Variants in FAM220A observed in about 807,000 individuals in gnomAD.
The protein encoded by FAM220A is protein FAM220A.
For missense variants in FAM220A, 392 were observed against 321.6 expected, an observed-to-expected ratio of 1.22 and a Z score of -1.68; for synonymous variants, 141 against 130.7, an observed-to-expected ratio of 1.08 and a Z score of -0.54.
At chr7:6,346,917 G>A (rs1469144057) in intron 1 of FAM220A, among the ~76,000 whole-genome samples, 1 of 152,168 alleles carries the variant, frequency 6.6e-6, no homozygotes, top group African/African-American at 2.4e-5. Flanking sequence ...ACTCCCCAAA[G>A]GAGGGTCCCT....
At chr7:6,337,373 C>T (rs1781768387) in intron 1 of FAM220A, among the ~76,000 whole-genome samples, 1 of 152,200 alleles carries the variant, frequency 6.6e-6, no homozygotes, top group Non-Finnish European at 1.5e-5. Flanking sequence ...CTACCCGCCT[C>T]AGCCTCCCAA....
At chr7:6,336,682 C>CAAA (rs35524069) in intron 1 of FAM220A, among the ~76,000 whole-genome samples, 2 of 122,954 alleles carry the variant, frequency 1.6e-5, no homozygotes, top group East Asian at 2.3e-4. Flanking sequence ...AGACTTTGTC[C>CAAA]AAAAAAAAAA....
At position 6,330,808 on chromosome 7, in the gene FAM220A, C is replaced by A. The variant is rs148485779; in HGVS notation, c.347G>T (p.Arg116Leu). The A allele has an allele frequency of 1.2e-6, 2 of 1,614,040 alleles. No individual in the cohort carries two copies. Among genetic ancestry groups the A allele is most frequent in the Non-Finnish European group, 1.7e-6 (2 of 1,180,028 alleles). ...LFPAPTECFA[R>L]VSCSGVEALG... is the part of the protein sequence containing the mutation. Reference sequence around the variant, plus strand: ...AGCTTCAACACCACTGCAGGACACCCGAGCAAAACACTCTGTTGGAGCAGG... The same window carrying A: ...AGCTTCAACACCACTGCAGGACACCAGAGCAAAACACTCTGTTGGAGCAGG... The change falls in exon 2 of 2, where the codon CGG becomes CTG. Residue 116 changes from arginine to leucine, a missense_variant. Physicochemically the swap from Arg to Leu is moderately radical, Grantham distance 102. Transcript: ENST00000313324.
At chr7:6,334,926 G>A (rs1025685892) in intron 1 of FAM220A, among the ~76,000 whole-genome samples, 4 of 151,336 alleles carry the variant, frequency 2.6e-5, no homozygotes, top group African/African-American at 4.9e-5. Context: ...GTGCCACCAC[G>A]CCTGGCCAAT....
At position 6,330,834 on chromosome 7, in the gene FAM220A, G is replaced by A; in HGVS notation, c.321C>T (p.Phe107=). ...GAGCAAAACACTCTGTTGGAGCAGG[G>A]AACAAACCCACGGCTGTGCTCGGAG... ...AATPSTAVGL[F]PAPTECFARV... The change falls in exon 2 of 2, where the codon TTC becomes TTT. Residue 107 remains phenylalanine, a synonymous_variant. Coordinates refer to ENST00000313324, the MANE Select transcript of FAM220A (RefSeq NM_001037163.2). The A allele has an allele frequency of 6.2e-7, 1 of 1,614,178 alleles. No individual in the cohort carries two copies. Among genetic ancestry groups the A allele is most frequent in the Non-Finnish European group, 8.5e-7 (1 of 1,180,028 alleles).
chr7:6,337,400 G>A (rs576207607), intron 1 of FAM220A, among the ~76,000 whole-genome samples: 4 of 152,240 alleles, frequency 2.6e-5, no homozygotes, highest in Admixed American at 2.0e-4. Flanking sequence ...GGGATTACAG[G>A]CGTGAGCCAC....
At chr7:6,333,199 C>G (rs1781674045) in intron 1 of FAM220A, among the ~76,000 whole-genome samples, 1 of 150,084 alleles carries the variant, frequency 6.7e-6, no homozygotes, top group East Asian at 1.9e-4. Context: ...CAAAAAAACA[C>G]TGGGGAGAAA....
chr7:6,338,741 C>G (rs1781794355), intron 1 of FAM220A: 1 of 152,340 alleles, frequency 6.6e-6, no homozygotes, highest in African/African-American at 2.4e-5. Flanking sequence ...GTACCCTCAC[C>G]TTCCCTAACC....
chr7:6,334,132 C>T (rs1316156184), intron 1 of FAM220A, among the ~76,000 whole-genome samples: 2 of 151,664 alleles, frequency 1.3e-5, no homozygotes, highest in Non-Finnish European at 2.9e-5. Context: ...AAGCGTGAGC[C>T]ACCGCACCCA....
chr7:6,336,243 G>T (rs1016637280), intron 1 of FAM220A, among the ~76,000 whole-genome samples: 1 of 151,880 alleles, frequency 6.6e-6, no homozygotes, highest in African/African-American at 2.4e-5. Flanking sequence ...TCACTTGAGA[G>T]GCTGAGGTAG....
chr7:6,339,481 CCTT>C, intron 1 of FAM220A, among the ~76,000 whole-genome samples: 2 of 151,900 alleles, frequency 1.3e-5, no homozygotes, highest in South Asian at 2.1e-4. Flanking sequence ...GCTGTGTACC[CCTT>C]TTTTTGTTTT....
At position 6,335,990 on chromosome 7, in the gene FAM220A, C is replaced by T. The variant is rs1045332105; in HGVS notation, c.-81-4755G>A. 3.9e-5 allele frequency among the ~76,000 whole-genome samples: 6 copies of T among 151,930 alleles called. 1 individual carries two copies. Among genetic ancestry groups the T allele is most frequent in the South Asian group, 2.1e-4 (1 of 4,830 alleles). On this transcript the variant is annotated intron_variant, in intron 1 of 1. Coordinates refer to ENST00000313324, the MANE Select transcript of FAM220A (RefSeq NM_001037163.2). ...GAGTTCGAGATCAGCCTGGTCTACA[C>T]GGTGAAACCCCGTCTCTACTAAAAA...
rs553368131 is a variant in FAM220A at position 6,337,905 on chromosome 7, G to A, written c.-81-6670C>T. Among the ~76,000 whole-genome samples, 10 of 151,696 alleles carry A rather than the reference G, an allele frequency of 6.6e-5. No homozygotes were observed. The South Asian group carries it at 1.0e-3, about 16-fold the overall frequency. ...TGCAACCTCCGCCTCCCAGGTTCAAGCAATTCTCCTGCCTCACCCTCCCAA... is the reference window on the plus strand; with the variant it reads ...TGCAACCTCCGCCTCCCAGGTTCAAACAATTCTCCTGCCTCACCCTCCCAA... On this transcript the variant is annotated intron_variant, in intron 1 of 1. Coordinates refer to ENST00000313324, the MANE Select transcript of FAM220A (RefSeq NM_001037163.2).
intron 1 of FAM220A, among the ~76,000 whole-genome samples, chr7:6,341,446 AAAT>A (rs1182692468): frequency 4.0e-4 from 57 of 140,794 alleles, no homozygotes; most frequent in African/African-American, 1.2e-3. Flanking sequence ...TGTCTCAAAA[AAAT>A]AATAATAATA....
At chr7:6,331,968 C>T (rs1031316463) in intron 1 of FAM220A, among the ~76,000 whole-genome samples, 2 of 151,472 alleles carry the variant, frequency 1.3e-5, no homozygotes, top group East Asian at 1.9e-4. Flanking sequence ...TGAAATTAGC[C>T]AGGTGTGATG....
At chr7:6,347,153 C>T (rs1781967956) in intron 1 of FAM220A, among the ~76,000 whole-genome samples, 1 of 152,022 alleles carries the variant, frequency 6.6e-6, no homozygotes, top group Admixed American at 6.6e-5. Context: ...ATGGGAAGAC[C>T]CTGTCTCTAC....
Position 6,333,878 on chromosome 7 carries a change from CTTT to C in FAM220A, c.-81-2646_-81-2644del, listed in dbSNP as rs751140958. ...TTTTTTTTTGAGACAGAGTCTTGCT[CTTT>C]TTTTGCCCAGGCTGGAGTGCAGTGG... On this transcript the variant is annotated intron_variant, in intron 1 of 1. Transcript: ENST00000313324. Among the ~76,000 whole-genome samples the C allele has an allele frequency of 3.4e-4, 36 of 105,466 alleles. No individual in the cohort carries two copies. The East Asian group carries it at 8.4e-3, about 25-fold the overall frequency. 69.2% of individuals were successfully genotyped at this position (105,466 alleles called of 152,430 possible). A position where few individuals can be genotyped will look rare whatever the true frequency, so the allele number is the denominator to read the frequency against.
At chr7:6,347,987 C>T (rs1261357335) in intron 1 of FAM220A, among the ~76,000 whole-genome samples, 2 of 151,032 alleles carry the variant, frequency 1.3e-5, no homozygotes, top group African/African-American at 2.4e-5. Context: ...CTCGGCTCAC[C>T]GCAACCTGCG....
At chr7:6,344,307 G>C (rs568771657) in intron 1 of FAM220A, among the ~76,000 whole-genome samples, 1 of 152,246 alleles carries the variant, frequency 6.6e-6, no homozygotes, top group South Asian at 2.1e-4. Flanking sequence ...CTGCAGGGGA[G>C]TTTAAAGTAG....
Sources: allele counts gnomAD v4.1 joint callset (sites outside exome capture counted in the v4.1 genomes callset), GRCh38; gene constraint gnomAD v4.1.1; transcripts MANE v1.5; gene names NCBI Gene and HGNC (gene_info 2026-07-23, HGNC 2026-07-21).